The following LRRC4C variants were observed in gnomAD, a reference collection of about 807,000 sequenced individuals.
The protein encoded by LRRC4C is leucine rich repeat containing 4C.
In LRRC4C, 5 loss-of-function variants were observed where a neutral mutation model predicts 33.6. That is an observed-to-expected ratio of 0.15 (90% confidence interval 0.08 to 0.31). The LOEUF (loss-of-function observed/expected upper bound fraction) is 0.31, where lower values mean the gene tolerates loss of function less well. Among genes scored for constraint, LRRC4C ranks in the 10% least tolerant of loss-of-function variants. The pLI, the probability that LRRC4C is intolerant of heterozygous loss-of-function variation, is 1.00. For missense variants in LRRC4C, 560 were observed against 796.7 expected, an observed-to-expected ratio of 0.70 and a Z score of 3.58; for synonymous variants, 329 against 302.0, an observed-to-expected ratio of 1.09 and a Z score of -0.93.
At chr11:41,385,772 A>G (rs2137939686) in intron 1 of LRRC4C, among the ~76,000 whole-genome samples, 1 of 151,692 alleles carries the variant, frequency 6.6e-6, no homozygotes, top group East Asian at 1.9e-4. Flanking sequence ...CAAATTCAAA[A>G]GAAACGTCCA....
intron 1 of LRRC4C, among the ~76,000 whole-genome samples, chr11:41,084,012 A>G (rs1939773556): frequency 6.6e-6 from 1 of 152,244 alleles, no homozygotes; most frequent in South Asian, 2.1e-4. Context: ...ACAATACAAT[A>G]TCTCACATAT....
At chr11:40,851,666 G>A (rs1313896624) in intron 2 of LRRC4C, among the ~76,000 whole-genome samples, 1 of 152,162 alleles carries the variant, frequency 6.6e-6, no homozygotes, top group Non-Finnish European at 1.5e-5. Context: ...CTGTTTCCCA[G>A]CTACTCAGGA....
At chr11:41,347,212 C>T (rs1403915268) in intron 1 of LRRC4C, among the ~76,000 whole-genome samples, 1 of 152,160 alleles carries the variant, frequency 6.6e-6, no homozygotes, top group African/African-American at 2.4e-5. Context: ...TGAGTTATAG[C>T]ACAGGAGGAT....
At chr11:40,181,140 A>G (rs546080886) in intron 5 of LRRC4C, among the ~76,000 whole-genome samples, 1 of 152,074 alleles carries the variant, frequency 6.6e-6, no homozygotes, top group Non-Finnish European at 1.5e-5. Context: ...CATCACCACA[A>G]TTCTCTCCAG....
intron 3 of LRRC4C, among the ~76,000 whole-genome samples, chr11:40,444,238 C>A (rs1051883928): frequency 1.3e-4 from 19 of 151,968 alleles, no homozygotes; most frequent in African/African-American, 4.1e-4. Flanking sequence ...CCTAAGAACA[C>A]AAGTAGTTAG....
chr11:40,127,510 T>C (rs1036659610), intron 6 of LRRC4C, among the ~76,000 whole-genome samples: 6 of 152,244 alleles, frequency 3.9e-5, no homozygotes, highest in African/African-American at 1.4e-4. Context: ...CAAAAAAGTT[T>C]GAATGTATTT....
chr11:40,734,523 C>T (rs1340822262), intron 2 of LRRC4C, among the ~76,000 whole-genome samples: 1 of 152,080 alleles, frequency 6.6e-6, no homozygotes, highest in Non-Finnish European at 1.5e-5. Context: ...TTGCAGAAAA[C>T]ATTTAACAGA....
Position 40,356,552 on chromosome 11 carries a change from G to A in LRRC4C, c.-269-36831C>T, listed in dbSNP as rs1947680775. On this transcript the variant is annotated intron_variant, in intron 3 of 6. Coordinates refer to ENST00000528697, the MANE Select transcript of LRRC4C (RefSeq NM_001258419.2). ...TTAAGCAGTCTGCCACTCCTTATTA[G>A]ACAATAAGGGGGTCTTGCCTGGGTC... 2.0e-5 allele frequency among the ~76,000 whole-genome samples: 3 copies of A among 152,126 alleles called. No individual in the cohort carries two copies. In the South Asian group the frequency reaches 6.2e-4, roughly 32 times the overall value.
intron 2 of LRRC4C, among the ~76,000 whole-genome samples, chr11:40,847,685 T>C (rs1953254832): frequency 6.6e-6 from 1 of 152,118 alleles, no homozygotes; most frequent in South Asian, 2.1e-4. Context: ...GAGGAGTCCC[T>C]CTTTTTCCAT....
chr11:40,858,421 C>A (rs61886578), intron 2 of LRRC4C, among the ~76,000 whole-genome samples: 5,880 of 151,980 alleles, frequency 0.039, 209 homozygotes, highest in African/African-American at 0.095. Context: ...TGTTTCCAGG[C>A]ACATGGTTCA....
chr11:40,971,751 A>G (rs1851743032), intron 1 of LRRC4C, among the ~76,000 whole-genome samples: 1 of 152,180 alleles, frequency 6.6e-6, no homozygotes, highest in Admixed American at 6.5e-5. Flanking sequence ...GAGAGCAGCC[A>G]TGAAGTTTAA....
chr11:41,389,355 G>C (rs1449319311), intron 1 of LRRC4C, among the ~76,000 whole-genome samples: 1 of 151,732 alleles, frequency 6.6e-6, no homozygotes, highest in African/African-American at 2.4e-5. Flanking sequence ...CTGATTCTGA[G>C]ACTGCATAAT....
intron 1 of LRRC4C, among the ~76,000 whole-genome samples, chr11:41,223,427 A>G (rs1437825601): frequency 1.3e-5 from 2 of 152,298 alleles, no homozygotes; most frequent in African/African-American, 2.4e-5. Context: ...CTTAGTGGCT[A>G]TAGTTTTCTC....
At chr11:40,476,434 C>T (rs1238186990) in intron 3 of LRRC4C, among the ~76,000 whole-genome samples, 1 of 149,684 alleles carries the variant, frequency 6.7e-6, no homozygotes, top group African/African-American at 2.5e-5. Flanking sequence ...CAGCCTCTGC[C>T]TCCTGGGTTC....
chr11:40,591,894 C>T (rs892713390), intron 3 of LRRC4C, among the ~76,000 whole-genome samples: 11 of 152,164 alleles, frequency 7.2e-5, no homozygotes, highest in East Asian at 3.9e-4. Context: ...CCAAATAAGG[C>T]GACTGTATAA....
intron 2 of LRRC4C, among the ~76,000 whole-genome samples, chr11:40,796,401 T>G (rs1277048007): frequency 6.6e-6 from 1 of 152,078 alleles, no homozygotes; most frequent in African/African-American, 2.4e-5. Flanking sequence ...AAGTAACAAA[T>G]GAGCCTAGGA....
chr11:41,075,027 T>TTTTTTTTTTTTTTTTTTTTTTA (rs764193977), intron 1 of LRRC4C, among the ~76,000 whole-genome samples: 1 of 102,974 alleles, frequency 9.7e-6, no homozygotes, highest in Non-Finnish European at 1.9e-5. Flanking sequence ...TTTTTTTTTT[T>TTTTTTTTTTTTTTTTTTTTTTA]TTTTTTTTTA....
At chr11:40,793,307 CT>C (rs2047742873) in intron 2 of LRRC4C, among the ~76,000 whole-genome samples, 1 of 152,040 alleles carries the variant, frequency 6.6e-6, no homozygotes, top group Admixed American at 6.6e-5. Context: ...TACTTGATTA[CT>C]GATAAAAATT....
At chr11:40,992,732 G>T (rs896671319) in intron 1 of LRRC4C, among the ~76,000 whole-genome samples, 45 of 152,180 alleles carry the variant, frequency 3.0e-4, no homozygotes, top group African/African-American at 1.1e-3. Context: ...CTATAAGATT[G>T]CTACGACATT....
Sources: gnomAD v4.1 joint callset for allele counts (sites outside exome capture counted in the v4.1 genomes callset) on GRCh38, gnomAD v4.1.1 for gene constraint, MANE v1.5 for transcripts, NCBI Gene and HGNC (gene_info 2026-07-23, HGNC 2026-07-21) for gene names.